Variants in XKR9 observed in about 807,000 individuals in gnomAD.
XKR9 encodes the protein XK-related protein 9.
In XKR9, 32 loss-of-function variants were observed where a neutral mutation model predicts 32.0. The ratio of observed to expected loss-of-function variants is 1.00; its 90% CI spans 0.76 to 1.34. The LOEUF (loss-of-function observed/expected upper bound fraction) is 1.34, where lower values mean the gene tolerates loss of function less well. XKR9 is among the 40% of genes most tolerant of loss of function. XKR9 has a pLI of 0.00. For synonymous variants in XKR9, 168 were observed against 143.4 expected, an observed-to-expected ratio of 1.17 and a Z score of -1.22; for missense variants, 546 against 429.7, an observed-to-expected ratio of 1.27 and a Z score of -2.39.
the XKR9 span, among the ~76,000 whole-genome samples, chr8:71,028,899 A>G: frequency 3.7e-5 from 5 of 136,400 alleles, no homozygotes; most frequent in African/African-American, 1.5e-4. Context: ...AATGAGAGAG[A>G]CACACAGAAA....
In XKR9 at chr8:70,721,731, C is replaced by T. The variant is rs115080856; in HGVS notation, c.494-12065C>T. ...AGGGTTTCGCTTCCAATTATGTTGT[C>T]GATTTTAGAATAAGTGCTGTGTGGT... On this transcript the variant is annotated intron_variant, in intron 4 of 4. Coordinates refer to ENST00000408926, the MANE Select transcript of XKR9 (RefSeq NM_001011720.2). Among the ~76,000 whole-genome samples the T allele has an allele frequency of 3.0e-3, 462 of 152,106 alleles. 3 individuals carry two copies. Among genetic ancestry groups the T allele is most frequent in the African/African-American group, 0.011 (442 of 41,498 alleles).
the XKR9 span, among the ~76,000 whole-genome samples, chr8:70,992,208 T>A: frequency 6.6e-6 from 1 of 152,208 alleles, no homozygotes; most frequent in Middle Eastern, 3.2e-3. Flanking sequence ...GTATTCCACA[T>A]ACCTTCCTTG....
the XKR9 span, among the ~76,000 whole-genome samples, chr8:70,856,764 A>T: frequency 6.6e-6 from 1 of 152,210 alleles, no homozygotes; most frequent in East Asian, 1.9e-4. Context: ...AGAAATTATA[A>T]CAAACCATCT....
In XKR9 at chr8:70,735,191, C is replaced by A. The variant is rs896695086; in HGVS notation, c.*767C>A. The A allele has an allele frequency of 1.3e-5, 2 of 151,950 alleles. No individual in the cohort carries two copies. Among genetic ancestry groups the A allele is most frequent in the African/African-American group, 4.8e-5 (2 of 41,398 alleles). 9.4% of individuals were successfully genotyped at this position (151,950 alleles called of 1,614,324 possible). A position where few individuals can be genotyped will look rare whatever the true frequency, so the allele number is the denominator to read the frequency against. On this transcript the variant is annotated 3_prime_UTR_variant, in exon 5 of 5. Coordinates refer to ENST00000408926, the MANE Select transcript of XKR9 (RefSeq NM_001011720.2). ...TGTTAACTGTATTCACCTTGTGCAA[C>A]AGATCTCAAGGACTTTTTCACCTTG...
At chr8:70,803,497 T>G in the XKR9 span, among the ~76,000 whole-genome samples, 1 of 152,186 alleles carries the variant, frequency 6.6e-6, no homozygotes, top group Non-Finnish European at 1.5e-5. Flanking sequence ...GTGCAATCAT[T>G]TGGAGGTAAG....
the XKR9 span, among the ~76,000 whole-genome samples, chr8:70,814,770 T>G: frequency 6.6e-6 from 1 of 152,196 alleles, no homozygotes; most frequent in Admixed American, 6.5e-5. Flanking sequence ...AAGAAAGAAA[T>G]AAGTGGTATC....
the XKR9 span, among the ~76,000 whole-genome samples, chr8:71,058,309 C>A: frequency 6.6e-6 from 1 of 152,178 alleles, no homozygotes; most frequent in Non-Finnish European, 1.5e-5. Flanking sequence ...GTTGCATTTG[C>A]AGAGCTGAGC....
At chr8:70,856,928 C>G in the XKR9 span, among the ~76,000 whole-genome samples, 16 of 151,986 alleles carry the variant, frequency 1.1e-4, no homozygotes, top group African/African-American at 3.4e-4. Flanking sequence ...AAACCAACGA[C>G]AACAAAGACA....
chr8:70,952,717 A>G, the XKR9 span, among the ~76,000 whole-genome samples: 1 of 152,188 alleles, frequency 6.6e-6, no homozygotes, highest in South Asian at 2.1e-4. Context: ...CTCTGAAGAA[A>G]TAGGTGGGGT....
At chr8:70,687,943 A>G (rs192427955) in intron 3 of XKR9, among the ~76,000 whole-genome samples, 23 of 152,326 alleles carry the variant, frequency 1.5e-4, no homozygotes, top group Admixed American at 3.3e-4. Context: ...TATTCTATAA[A>G]TGAAATTTAG....
chr8:70,980,046 T>C, the XKR9 span, among the ~76,000 whole-genome samples: 1 of 152,240 alleles, frequency 6.6e-6, no homozygotes, highest in Non-Finnish European at 1.5e-5. Flanking sequence ...CAAGGCTCCA[T>C]GTGTGTGGGA....
the XKR9 span, among the ~76,000 whole-genome samples, chr8:71,019,105 A>T: frequency 6.6e-6 from 1 of 152,096 alleles, no homozygotes. Flanking sequence ...TCTACATGTG[A>T]TCCAAGGGGG....
the XKR9 span, among the ~76,000 whole-genome samples, chr8:70,975,725 T>G: frequency 4.6e-5 from 7 of 152,152 alleles, no homozygotes; most frequent in South Asian, 2.1e-4. Context: ...GGCAATGCAG[T>G]CTCTTTTTTG....
At chr8:70,971,843 C>G in the XKR9 span, among the ~76,000 whole-genome samples, 2 of 152,006 alleles carry the variant, frequency 1.3e-5, no homozygotes. Context: ...ATACCAGTAC[C>G]ATGCTGTTGG....
intron 2 of XKR9, among the ~76,000 whole-genome samples, chr8:70,748,311 TC>T (rs1369726175): frequency 6.6e-6 from 1 of 152,146 alleles, no homozygotes; most frequent in Non-Finnish European, 1.5e-5. Flanking sequence ...GACCTGGGCA[TC>T]CCTGCACTCG....
At chr8:70,940,221 C>G in the XKR9 span, among the ~76,000 whole-genome samples, 1 of 152,050 alleles carries the variant, frequency 6.6e-6, no homozygotes, top group Non-Finnish European at 1.5e-5. Context: ...CTTTCTCTCT[C>G]CAGGTCTGGT....
intron 2 of XKR9, among the ~76,000 whole-genome samples, chr8:70,747,043 A>G (rs1253906059): frequency 1.3e-5 from 2 of 152,156 alleles, no homozygotes; most frequent in Non-Finnish European, 2.9e-5. Flanking sequence ...TAATTCACTT[A>G]CGATAATGGC....
At chr8:70,928,009 T>C in the XKR9 span, among the ~76,000 whole-genome samples, 1 of 152,186 alleles carries the variant, frequency 6.6e-6, no homozygotes. Flanking sequence ...TTCTATATTT[T>C]GCTTTTCTAT....
downstream of XKR9, among the ~76,000 whole-genome samples, chr8:70,738,587 G>A (rs186270571): frequency 6.7e-6 from 1 of 150,200 alleles, no homozygotes; most frequent in African/African-American, 2.4e-5. Context: ...GATCTTTCCT[G>A]CTTTCTCTTG....
Sources: gnomAD v4.1 joint callset for allele counts (sites outside exome capture counted in the v4.1 genomes callset) on GRCh38, gnomAD v4.1.1 for gene constraint, MANE v1.5 for transcripts, NCBI Gene and HGNC (gene_info 2026-07-23, HGNC 2026-07-21) for gene names.